The following ACY1 variants were observed in gnomAD, a reference collection of about 807,000 sequenced individuals.
ACY1 encodes aminoacylase-1.
ACY1 carries 38 observed loss-of-function variants against 53.3 expected under a neutral mutation model. The ratio of observed to expected loss-of-function variants is 0.71; its 90% CI spans 0.55 to 0.93. The LOEUF is 0.93. Among genes scored for constraint, ACY1 ranks in the 40% least tolerant of loss-of-function variants. The pLI, the probability that ACY1 is intolerant of heterozygous loss-of-function variation, is 0.00. For synonymous variants in ACY1, 177 were observed against 202.1 expected (o/e 0.88, Z 1.05); for missense variants, 484 against 540.9 (o/e 0.89, Z 1.04).
chr3:51,985,050 C>A, intron 2 of ACY1, 157 bp from the exon 3 acceptor site: 3 of 796,260 alleles, frequency 3.8e-6, no homozygotes, highest in Non-Finnish European at 4.3e-6. Flanking sequence ...AAAATATCTT[C>A]TTTCTTGGGG....
At chr3:51,983,958 C>G (rs1182228815) in intron 1 of ACY1, 89 bp from the exon 2 acceptor site, 6 of 955,716 alleles carry the variant, frequency 6.3e-6, no homozygotes, top group East Asian at 2.4e-5. Flanking sequence ...TGTGGGAAGT[C>G]CGGGAGCCGC....
At chr3:51,984,335 G>A in intron 2 of ACY1, 177 bp downstream of exon 2, 1 of 674,814 alleles carries the variant, frequency 1.5e-6, no homozygotes, top group South Asian at 1.6e-5. Flanking sequence ...CCAGGTTAGG[G>A]AGGAACCCTT....
chr3:51,984,181 G>T (rs749160051), intron 2 of ACY1, 23 bp downstream of exon 2: 2 of 1,609,070 alleles, frequency 1.2e-6, no homozygotes, highest in South Asian at 2.2e-5. Flanking sequence ...TGGTTCCAGA[G>T]CCTGTGACGG....
chr3:51,986,371 G>C, intron 6 of ACY1, 40 bp downstream of exon 6: 1 of 1,608,764 alleles, frequency 6.2e-7, no homozygotes, highest in East Asian at 2.2e-5. Flanking sequence ...GGGGAGGGTG[G>C]GGCGGGGCAG....
intron 13 of ACY1, 78 bp from the exon 14 acceptor site, chr3:51,988,688 C>G: frequency 6.3e-7 from 1 of 1,591,770 alleles, no homozygotes; most frequent in Non-Finnish European, 8.6e-7. Context: ...CTCCTTCTCC[C>G]ACCTCTTTCC....
chr3:51,984,187 G>A lies in ACY1; in HGVS notation c.94+29G>A, dbSNP rs1400204257. 3.1e-6 allele frequency: 5 copies of A among 1,604,982 alleles called. No individual in the cohort carries two copies. The African/African-American group carries it at 6.7e-5, about 21-fold the overall frequency. ...AGAAGACGGTGGTTCCAGAGCCTGT[G>A]ACGGGGCCTAAGGGACGGGGACTGT... On this transcript the variant is annotated intron_variant, in intron 2 of 14. Coordinates refer to ENST00000636358, the MANE Select transcript of ACY1 (RefSeq NM_000666.3).
At chr3:51,988,312 G>A in intron 12 of ACY1, 1 of 638,408 alleles carries the variant, frequency 1.6e-6, no homozygotes, top group Admixed American at 2.2e-5. Flanking sequence ...GGATGGACAG[G>A]AGGTAAGTAG....
At chr3:51,988,722 C>T in intron 13 of ACY1, 44 bp from the exon 14 acceptor site, 1 of 1,610,376 alleles carries the variant, frequency 6.2e-7, no homozygotes, top group Non-Finnish European at 8.5e-7. Context: ...CCCTTCAATT[C>T]TTCGCTTTCT....
At chr3:51,985,817 G>T (rs1454784034) in intron 4 of ACY1, 35 bp from the exon 5 acceptor site, 1 of 1,576,066 alleles carries the variant, frequency 6.3e-7, no homozygotes, top group South Asian at 1.1e-5. Flanking sequence ...GGCTAAATTT[G>T]GGGTTTGGGC....
intron 12 of ACY1, 113 bp downstream of exon 12, chr3:51,987,737 G>A (rs1701126535): frequency 2.7e-6 from 3 of 1,128,274 alleles, no homozygotes; most frequent in Non-Finnish European, 3.8e-6. Flanking sequence ...TTCTTTATCT[G>A]TGACAGACAC....
chr3:51,985,976 A>G (rs1701041549), intron 5 of ACY1, 30 bp downstream of exon 5: 1 of 1,587,560 alleles, frequency 6.3e-7, no homozygotes, highest in Non-Finnish European at 8.6e-7. Flanking sequence ...ACTCCTCCAC[A>G]ATGTCCCCAC....
chr3:51,988,665 C>T (rs1701160217), intron 13 of ACY1, 62 bp downstream of exon 13: 16 of 1,478,666 alleles, frequency 1.1e-5, no homozygotes, highest in Non-Finnish European at 1.3e-5. Flanking sequence ...TCCTGCTGCC[C>T]CCTCCCTTCT....
rs149475049 is a variant in ACY1, at chr3:51,985,919, C to T, written c.332C>T (p.Ala111Val). 1.3e-4 allele frequency: 211 copies of T among 1,612,874 alleles called. No individual in the cohort carries two copies. The African/African-American group carries it at 2.7e-3, about 20-fold the overall frequency. The change falls in exon 5 of 15, where the codon GCC (alanine) becomes GTC (valine). Residue 111 changes from alanine to valine, a missense_variant. Coordinates refer to ENST00000636358, the MANE Select transcript of ACY1 (RefSeq NM_000666.3). The stretch of plus-strand genomic sequence containing the variant: ...GAGGGCTACATCTATGCCAGGGGTG[C>T]CCAGGACATGAAGTGCGTCAGCATC... The part of the protein sequence containing the change: ...DSEGYIYARG[A>V]QDMKCVSIQY...
intron 1 of ACY1, 43 bp from the exon 2 acceptor site, chr3:51,984,004 C>T: frequency 2.8e-6 from 4 of 1,447,462 alleles, no homozygotes; most frequent in Non-Finnish European, 3.9e-6. Flanking sequence ...CTCACCATTT[C>T]CAGGGTCTTG....
At chr3:51,988,110 C>T in intron 12 of ACY1, 1 of 335,298 alleles carries the variant, frequency 3.0e-6, no homozygotes, top group Non-Finnish European at 5.8e-6. Flanking sequence ...AAGTGATCCA[C>T]CCACCTTGGC....
chr3:51,986,945 C>A, intron 8 of ACY1, 43 bp from the exon 9 acceptor site: 2 of 1,599,880 alleles, frequency 1.3e-6, no homozygotes, highest in South Asian at 1.1e-5. Flanking sequence ...GTGTCTCCAG[C>A]CCCTCAGGCT....
rs1701178133 is a variant in ACY1, at chr3:51,989,027, C to T, written c.1179C>T (p.Arg393=). The change falls in exon 15 of 15, where the codon CGC becomes CGT. Residue 393 remains arginine, a synonymous_variant. Coordinates refer to ENST00000636358, the MANE Select transcript of ACY1 (RefSeq NM_000666.3). ...TCCGTGGGGTGGACATATATACACG[C>T]CTGCTGCCTGCCCTTGCCAGTGTGC... The part of the protein sequence containing the change: ...VFLRGVDIYT[R]LLPALASVPA... 2 of 1,614,144 alleles carry T rather than the reference C, an allele frequency of 1.2e-6. No individual in the cohort carries two copies. Among genetic ancestry groups the T allele is most frequent in the South Asian group, 1.1e-5 (1 of 91,088 alleles).
Position 51,988,907 on chromosome 3 carries a change from G to A in ACY1, c.1063-4G>A. 2.5e-6 allele frequency: 4 copies of A among 1,614,212 alleles called. No homozygotes were observed. Among genetic ancestry groups the A allele is most frequent in the Non-Finnish European group, 3.4e-6 (4 of 1,180,038 alleles). ...TCCCTAACGGCTCTTCCTCACCCCT[G>A]CAGGTGGGGGTCCCAGCTCTAGGCT... On this transcript the variant is annotated splice_polypyrimidine_tract_variant and splice_region_variant and intron_variant, in intron 14 of 14. Transcript: ENST00000636358.
At chr3:51,985,329 C>A in intron 3 of ACY1, 32 bp from the exon 4 acceptor site, 1 of 1,613,942 alleles carries the variant, frequency 6.2e-7, no homozygotes, top group Non-Finnish European at 8.5e-7. Flanking sequence ...CCTCACCCTG[C>A]TCAGACCACC....
Sources: allele counts gnomAD v4.1 joint callset, GRCh38; gene constraint gnomAD v4.1.1; transcripts MANE v1.5; gene names NCBI Gene and HGNC (gene_info 2026-07-23, HGNC 2026-07-21).